Variants in CLSTN2 observed in about 807,000 individuals in gnomAD.
CLSTN2 encodes calsyntenin 2.
A neutral mutation model predicts 101.2 loss-of-function variants in CLSTN2; 48 were observed. That is an observed-to-expected ratio of 0.47 (90% CI 0.38 to 0.60). The LOEUF is 0.60. Ranked by LOEUF, CLSTN2 falls within the 20% of genes least tolerant of loss-of-function variation. The pLI, the probability that CLSTN2 is intolerant of heterozygous loss-of-function variation, is 0.00. For missense variants in CLSTN2, 1,160 were observed against 1,238.2 expected, an observed-to-expected ratio of 0.94 and a Z score of 0.95; for synonymous variants, 481 against 463.6, an observed-to-expected ratio of 1.04 and a Z score of -0.48.
At chr3:140,381,731 A>G (rs1277860910) in intron 2 of CLSTN2, among the ~76,000 whole-genome samples, 3 of 152,236 alleles carry the variant, frequency 2.0e-5, no homozygotes, top group Non-Finnish European at 4.4e-5. Context: ...CAGGTGGATC[A>G]GCCAGATGTT....
At chr3:140,394,426 A>G (rs573102794) in intron 2 of CLSTN2, among the ~76,000 whole-genome samples, 1 of 152,304 alleles carries the variant, frequency 6.6e-6, no homozygotes, top group South Asian at 2.1e-4. Context: ...TGTCCAGAGG[A>G]CAAGGCCTTG....
At chr3:140,177,655 C>T (rs2010345709) in intron 2 of CLSTN2, among the ~76,000 whole-genome samples, 1 of 151,952 alleles carries the variant, frequency 6.6e-6, no homozygotes, top group South Asian at 2.1e-4. Flanking sequence ...ATTAGCTGGG[C>T]ATGGTGGTGC....
chr3:140,252,241 C>A (rs1157767479), intron 2 of CLSTN2, among the ~76,000 whole-genome samples: 13 of 152,130 alleles, frequency 8.5e-5, no homozygotes, highest in Non-Finnish European at 7.4e-5. Context: ...TGATATGAGA[C>A]CAGAAGGGTC....
intron 8 of CLSTN2, among the ~76,000 whole-genome samples, chr3:140,479,991 G>A (rs150099562): frequency 2.6e-5 from 4 of 151,978 alleles, no homozygotes; most frequent in African/African-American, 9.6e-5. Flanking sequence ...TAGGGTACAC[G>A]TGCACAACGT....
intron 10 of CLSTN2, among the ~76,000 whole-genome samples, chr3:140,554,968 T>C (rs1188180774): frequency 6.6e-6 from 1 of 152,254 alleles, no homozygotes; most frequent in African/African-American, 2.4e-5. Context: ...TACTTGAGTA[T>C]AACTGTCAGG....
intron 5 of CLSTN2, among the ~76,000 whole-genome samples, chr3:140,429,390 A>T (rs1464131808): frequency 6.6e-6 from 1 of 152,154 alleles, no homozygotes; most frequent in African/African-American, 2.4e-5. Context: ...CAGGAGCCCC[A>T]GGGAGATGTT....
intron 2 of CLSTN2, among the ~76,000 whole-genome samples, chr3:140,357,457 A>G (rs914109139): frequency 2.0e-5 from 3 of 152,154 alleles, no homozygotes; most frequent in African/African-American, 7.2e-5. Flanking sequence ...ATGCCCATGC[A>G]TTCATACCTG....
At chr3:140,057,421 T>C (rs2008117200) in intron 1 of CLSTN2, among the ~76,000 whole-genome samples, 1 of 152,212 alleles carries the variant, frequency 6.6e-6, no homozygotes, top group South Asian at 2.1e-4. Context: ...CTCTCTGCAC[T>C]TGTTGGCCTT....
intron 2 of CLSTN2, among the ~76,000 whole-genome samples, chr3:140,210,330 T>C (rs1317301): frequency 0.92 from 140,449 of 152,246 alleles, 65,837 homozygotes; most frequent in East Asian, 1. Flanking sequence ...GGATGTAACT[T>C]ATGAAGCAGA....
intron 7 of CLSTN2, among the ~76,000 whole-genome samples, chr3:140,465,856 G>C (rs562981774): frequency 2.0e-5 from 3 of 152,076 alleles, no homozygotes; most frequent in Non-Finnish European, 4.4e-5. Flanking sequence ...TGGAACACGC[G>C]CCTCCTGGTA....
intron 4 of CLSTN2, among the ~76,000 whole-genome samples, chr3:140,407,286 C>T (rs1205228060): frequency 6.6e-6 from 1 of 152,204 alleles, no homozygotes; most frequent in Non-Finnish European, 1.5e-5. Flanking sequence ...CTAGGTTTCC[C>T]CTACCCCATG....
intron 1 of CLSTN2, among the ~76,000 whole-genome samples, chr3:139,963,121 T>G (rs559917829): frequency 6.6e-6 from 1 of 152,284 alleles, no homozygotes; most frequent in East Asian, 1.9e-4. Flanking sequence ...CAGAGACCCC[T>G]TTCTTGCCAT....
intron 1 of CLSTN2, among the ~76,000 whole-genome samples, chr3:139,957,383 A>G (rs1935426509): frequency 6.6e-6 from 1 of 152,050 alleles, no homozygotes; most frequent in Non-Finnish European, 1.5e-5. Context: ...TCCTCTCAAC[A>G]CTAACCTTCT....
intron 1 of CLSTN2, among the ~76,000 whole-genome samples, chr3:140,123,183 G>A (rs1200163805): frequency 8.4e-6 from 1 of 119,394 alleles, no homozygotes; most frequent in Non-Finnish European, 1.7e-5. Flanking sequence ...GTGGGGGGCG[G>A]GACATGAATG....
chr3:140,179,304 A>T (rs1576457340), intron 2 of CLSTN2, among the ~76,000 whole-genome samples: 1 of 148,982 alleles, frequency 6.7e-6, no homozygotes, highest in Non-Finnish European at 1.5e-5. Context: ...CCTTCTTGTC[A>T]TTTTTCTACC....
At chr3:140,244,685 C>G (rs918919316) in intron 2 of CLSTN2, among the ~76,000 whole-genome samples, 3 of 152,132 alleles carry the variant, frequency 2.0e-5, no homozygotes, top group African/African-American at 7.2e-5. Flanking sequence ...CCTCACTTAA[C>G]CAAAGGAGAG....
intron 2 of CLSTN2, among the ~76,000 whole-genome samples, chr3:140,178,197 A>G (rs2010353654): frequency 6.6e-6 from 1 of 152,202 alleles, no homozygotes; most frequent in Admixed American, 6.5e-5. Flanking sequence ...AAGCTGTTCT[A>G]CAGTAAAGTT....
At chr3:140,019,611 G>T (rs1310367871) in intron 1 of CLSTN2, among the ~76,000 whole-genome samples, 1 of 152,172 alleles carries the variant, frequency 6.6e-6, no homozygotes, top group African/African-American at 2.4e-5. Context: ...AGGCAAAGCT[G>T]ATTTTGGCAG....
chr3:140,129,018 A>G (rs1012044865), intron 1 of CLSTN2, among the ~76,000 whole-genome samples: 2 of 152,134 alleles, frequency 1.3e-5, no homozygotes, highest in African/African-American at 4.8e-5. Context: ...CAGGAGTGTG[A>G]ACATTTTAGG....
Sources: allele counts gnomAD v4.1 joint callset (sites outside exome capture counted in the v4.1 genomes callset), GRCh38; gene constraint gnomAD v4.1.1; transcripts MANE v1.5; gene names NCBI Gene and HGNC (gene_info 2026-07-23, HGNC 2026-07-21).